Variants in DENND1C observed in about 807,000 individuals in gnomAD.
DENND1C encodes DENN domain containing 1C, also known as DENN domain-containing protein 1C.
A neutral mutation model predicts 87.9 loss-of-function variants in DENND1C; 64 were observed. The ratio of observed to expected loss-of-function variants is 0.73; its 90% CI spans 0.60 to 0.90. The LOEUF is 0.90. Among genes scored for constraint, DENND1C ranks in the 40% least tolerant of loss-of-function variants. DENND1C has a pLI of 0.00. For synonymous variants in DENND1C, 384 were observed against 424.4 expected (o/e 0.90, Z 1.17); for missense variants, 980 against 1,037.0 (o/e 0.95, Z 0.76).
chr19:6,477,678 G>C (rs975919009), intron 6 of DENND1C: 1 of 173,742 alleles, frequency 5.8e-6, no homozygotes, highest in Non-Finnish European at 1.2e-5. Flanking sequence ...TGAACTCCTG[G>C]GCTCAAGGGA....
intron 1 of DENND1C, 53 bp downstream of exon 1, chr19:6,481,626 A>G: frequency 1.2e-6 from 2 of 1,610,648 alleles, no homozygotes; most frequent in Non-Finnish European, 8.5e-7. Flanking sequence ...GCCCCGGCTC[A>G]GGCCTGGCCC....
At position 6,479,684 on chromosome 19, in the gene DENND1C, G is replaced by A. The variant is rs1472514481; in HGVS notation, c.161C>T (p.Pro54Leu). 7 of 1,613,758 alleles carry A rather than the reference G, an allele frequency of 4.3e-6. No individual in the cohort carries two copies. Among genetic ancestry groups the A allele is most frequent in the Non-Finnish European group, 5.9e-6 (7 of 1,179,858 alleles). Residue 54 changes from proline (P) to leucine (L), a missense_variant, in exon 4 of 23, where the codon CCT (proline) becomes CTT (leucine). Coordinates refer to ENST00000381480, the MANE Select transcript of DENND1C (RefSeq NM_024898.4). ...AMQMVPKFCF[P>L]FDVEREPPSP... ...CCTTCCGTACCTTTCCACATCAAAAGGGAAGCAGAATTTAGGCACCATCTG... is the reference window on the plus strand; with the variant it reads ...CCTTCCGTACCTTTCCACATCAAAAAGGAAGCAGAATTTAGGCACCATCTG...
At chr19:6,471,560 C>T (rs2092829881) in intron 15 of DENND1C, 64 bp from the exon 16 acceptor site, 1 of 1,414,792 alleles carries the variant, frequency 7.1e-7, no homozygotes. Flanking sequence ...CACTTCGAAG[C>T]CTGCCTGCTG....
intron 16 of DENND1C, 35 bp from the exon 17 acceptor site, chr19:6,471,340 G>T (rs2092828181): frequency 1.3e-6 from 2 of 1,592,424 alleles, no homozygotes; most frequent in African/African-American, 2.7e-5. Flanking sequence ...GTCACCGAAG[G>T]CTGGCTGAGG....
chr19:6,471,124 T>C (rs1372253784), intron 17 of DENND1C, 141 bp downstream of exon 17: 9 of 1,184,786 alleles, frequency 7.6e-6, no homozygotes, highest in African/African-American at 1.5e-5. Flanking sequence ...TTTTTTTTTT[T>C]CAGTAGAGAT....
At chr19:6,468,482 C>T (rs2092809064) in intron 21 of DENND1C, 41 bp from the exon 22 acceptor site, 1 of 1,587,456 alleles carries the variant, frequency 6.3e-7, no homozygotes, top group Non-Finnish European at 8.6e-7. Context: ...GCCCAAGACC[C>T]CCAGCCCTGG....
intron 14 of DENND1C, among the ~76,000 whole-genome samples, 185 bp downstream of exon 14, chr19:6,475,089 G>A (rs898430914): frequency 7.2e-5 from 11 of 152,104 alleles, no homozygotes; most frequent in Admixed American, 7.2e-4. Flanking sequence ...AACGGGAGGG[G>A]TCTCACTGTG....
At chr19:6,477,760 T>G (rs866006628) in intron 6 of DENND1C, among the ~76,000 whole-genome samples, 21 of 147,928 alleles carry the variant, frequency 1.4e-4, no homozygotes, top group African/African-American at 4.1e-4. Flanking sequence ...TTTAAATTTT[T>G]TAATTTAAAT....
intron 18 of DENND1C, 111 bp downstream of exon 18, chr19:6,470,184 G>T: frequency 1.9e-6 from 2 of 1,055,308 alleles, no homozygotes; most frequent in Non-Finnish European, 2.8e-6. Flanking sequence ...AATCATTTGT[G>T]TTTAAAGTGT....
At position 6,467,767 on chromosome 19, in the gene DENND1C, T is replaced by A. The variant is rs755943484; in HGVS notation, c.2143A>T (p.Ser715Cys). The change falls in exon 23 of 23, where the codon AGC (serine) becomes TGC (cysteine). Residue 715 changes from serine (S) to cysteine (C), a missense_variant. Coordinates refer to ENST00000381480, the MANE Select transcript of DENND1C (RefSeq NM_024898.4). ...TAPTEPSPPE[S>C]PQILAPTKPN... ...TTTGTGGGGGCCAGAATTTGGGGGCTTTCTGGAGGGCTGGGCTCAGTGGGT... is the reference window on the plus strand; with the variant it reads ...TTTGTGGGGGCCAGAATTTGGGGGCATTCTGGAGGGCTGGGCTCAGTGGGT... The A allele has an allele frequency of 1.3e-6, 2 of 1,521,772 alleles. No individual in the cohort carries two copies. Among genetic ancestry groups the A allele is most frequent in the Admixed American group, 4.5e-5 (2 of 44,206 alleles). The allele number at this position is 1,521,772 out of a possible 1,614,324, so 94.3% of individuals were successfully genotyped here.
At chr19:6,468,785 G>A (rs971294004) in intron 20 of DENND1C, 61 bp downstream of exon 20, 1 of 1,446,650 alleles carries the variant, frequency 6.9e-7, no homozygotes, top group Non-Finnish European at 9.2e-7. Flanking sequence ...ATGGGGACTG[G>A]GATGGGTAGA....
At chr19:6,478,335 C>T (rs1377972815) in intron 6 of DENND1C, among the ~76,000 whole-genome samples, 2 of 152,178 alleles carry the variant, frequency 1.3e-5, no homozygotes, top group Admixed American at 1.3e-4. Context: ...CTTCCGCCTC[C>T]CGGGTTCAAG....
chr19:6,480,851 G>A (rs1180167814), intron 1 of DENND1C, among the ~76,000 whole-genome samples: 3 of 151,928 alleles, frequency 2.0e-5, no homozygotes, highest in Non-Finnish European at 4.4e-5. Flanking sequence ...TGATCTGCCC[G>A]CCTCAGCCTC....
intron 10 of DENND1C, chr19:6,476,244 C>T (rs938857455): frequency 5.3e-6 from 2 of 374,092 alleles, no homozygotes; most frequent in Non-Finnish European, 9.6e-6. Context: ...CCACTGACTC[C>T]ACCCCGAAAG....
Sources: allele counts gnomAD v4.1 joint callset (sites outside exome capture counted in the v4.1 genomes callset), GRCh38; gene constraint gnomAD v4.1.1; transcripts MANE v1.5; gene names NCBI Gene and HGNC (gene_info 2026-07-23, HGNC 2026-07-21).